The following SPATA6L variants were observed in gnomAD, a reference collection of about 807,000 sequenced individuals.
SPATA6L encodes spermatogenesis associated 6-like protein.
A neutral mutation model predicts 49.2 loss-of-function variants in SPATA6L; 68 were observed. The observed-to-expected ratio is 1.38, with a 90% confidence interval of 1.14 to 1.69. SPATA6L has a LOEUF of 1.69. Among genes scored for constraint, SPATA6L ranks in the 40% most tolerant of loss-of-function variants. The pLI, the probability that SPATA6L is intolerant of heterozygous loss-of-function variation, is 0.00. For missense variants in SPATA6L, 668 were observed against 464.3 expected, an observed-to-expected ratio of 1.44 and a Z score of -4.03; for synonymous variants, 198 against 165.7, an observed-to-expected ratio of 1.19 and a Z score of -1.50.
intron 3 of SPATA6L, among the ~76,000 whole-genome samples, chr9:4,652,522 A>C (rs1837146503): frequency 6.6e-6 from 1 of 152,164 alleles, no homozygotes; most frequent in Non-Finnish European, 1.5e-5. Context: ...AAAATGCAAC[A>C]CTTGTAAACT....
chr9:4,603,031 C>T (rs572571696), intron 11 of SPATA6L, among the ~76,000 whole-genome samples: 5 of 152,280 alleles, frequency 3.3e-5, no homozygotes, highest in Non-Finnish European at 5.9e-5. Flanking sequence ...ATATGAGAAA[C>T]GATGATGTCC....
intron 4 of SPATA6L, 137 bp downstream of exon 4, chr9:4,635,138 G>A: frequency 4.9e-6 from 4 of 814,216 alleles, no homozygotes; most frequent in Non-Finnish European, 6.9e-6. Context: ...ACCTTGAGTT[G>A]GGCATCAAAA....
intron 4 of SPATA6L, chr9:4,632,946 T>G (rs1831940592): frequency 6.6e-6 from 1 of 152,264 alleles, no homozygotes; most frequent in South Asian, 2.1e-4. Context: ...AGAATTTTCA[T>G]GACACTTTTA....
At chr9:4,608,720 A>T (rs1825934787) in intron 9 of SPATA6L, among the ~76,000 whole-genome samples, 1 of 151,378 alleles carries the variant, frequency 6.6e-6, no homozygotes, top group African/African-American at 2.5e-5. Flanking sequence ...ACACTCTAAC[A>T]TCACAATTAA....
chr9:4,629,102 T>C lies in SPATA6L; in HGVS notation c.418A>G (p.Asn140Asp). Residue 140 changes from asparagine (N) to aspartate (D), a missense_variant, in exon 5 of 12, where the codon AAC becomes GAC. By Grantham distance (23) the Asn-to-Asp change is conservative (BLOSUM62 1). Transcript: ENST00000682582. ...TGTATTGTACTTACAAGAAATCTGTTTCTATGCAGAAACACACATTCTCTG... is the reference window on the plus strand; with the variant it reads ...TGTATTGTACTTACAAGAAATCTGTCTCTATGCAGAAACACACATTCTCTG... Reference protein sequence around the residue: ...AIRECVFLHRNRFLEERHESR... With the variant: ...AIRECVFLHRDRFLEERHESR... 6.2e-7 allele frequency: 1 copy of C among 1,608,778 alleles called. No individual in the cohort carries two copies. The highest frequency in any genetic ancestry group is 8.5e-7 in the Non-Finnish European group (1 of 1,176,854).
chr9:4,629,438 C>T (rs1235242546), intron 4 of SPATA6L, among the ~76,000 whole-genome samples: 1 of 151,974 alleles, frequency 6.6e-6, no homozygotes, highest in Non-Finnish European at 1.5e-5. Flanking sequence ...ATCTCCTCAA[C>T]TAAGACACAG....
chr9:4,663,502 A>G (rs1840359951), intron 1 of SPATA6L: 1 of 476,986 alleles, frequency 2.1e-6, no homozygotes, highest in Non-Finnish European at 3.8e-6. Flanking sequence ...TATTTATTCA[A>G]CAACTGTTTA....
At chr9:4,611,240 C>T (rs1477662669) in intron 9 of SPATA6L, among the ~76,000 whole-genome samples, 11 of 140,094 alleles carry the variant, frequency 7.9e-5, no homozygotes, top group East Asian at 2.0e-4. Flanking sequence ...GTCAGTGTGG[C>T]GATTCCTCAG....
chr9:4,589,300 A>T (rs957712067), intron 13 of SPATA6L, among the ~76,000 whole-genome samples: 3 of 152,222 alleles, frequency 2.0e-5, no homozygotes, highest in African/African-American at 7.2e-5. Context: ...CTTCTGGGAA[A>T]AAACTATACC....
rs540003637 is a variant in SPATA6L, at chr9:4,655,287, A to G, written c.226+754T>C. Among the ~76,000 whole-genome samples, 7 of 152,348 alleles carry G rather than the reference A, an allele frequency of 4.6e-5. No homozygotes were observed. The South Asian group carries it at 1.5e-3, about 32-fold the overall frequency. ...AACATTACACTAAGAATTCAATCAC[A>G]AAGGAGCACATGTTGTATAATCTCA... On this transcript the variant is annotated intron_variant, in intron 3 of 11. Coordinates refer to ENST00000682582, the MANE Select transcript of SPATA6L (RefSeq NM_001353486.2).
intron 3 of SPATA6L, among the ~76,000 whole-genome samples, chr9:4,651,981 G>A (rs904426304): frequency 1.1e-4 from 17 of 152,082 alleles, no homozygotes; most frequent in South Asian, 2.1e-4. Flanking sequence ...AATAAAATGC[G>A]CACAAACTAT....
chr9:4,626,508 G>C, intron 5 of SPATA6L: 1 of 1,304,336 alleles, frequency 7.7e-7, no homozygotes, highest in Non-Finnish European at 1.0e-6. Context: ...TCTTCTTTAA[G>C]CTTCTGTGTT....
At chr9:4,611,541 C>A (rs1309313009) in intron 9 of SPATA6L, among the ~76,000 whole-genome samples, 1 of 148,508 alleles carries the variant, frequency 6.7e-6, no homozygotes, top group South Asian at 2.1e-4. Context: ...AGTAAACTAT[C>A]GCAAGAACAA....
At chr9:4,628,958 C>T in intron 5 of SPATA6L, 133 bp downstream of exon 5, 1 of 645,414 alleles carries the variant, frequency 1.5e-6, no homozygotes, top group African/African-American at 1.9e-5. Flanking sequence ...AAATACAAAC[C>T]TAGTAAAAAC....
At chr9:4,656,272 C>A (rs1838158082) in intron 2 of SPATA6L, among the ~76,000 whole-genome samples, 183 bp from the exon 3 acceptor site, 1 of 152,094 alleles carries the variant, frequency 6.6e-6, no homozygotes, top group Non-Finnish European at 1.5e-5. Flanking sequence ...AACCCTCTCT[C>A]TACAAAAAAT....
In SPATA6L at chr9:4,661,959, C is replaced by T. The variant is rs1367727580; in HGVS notation, c.117G>A (p.Glu39=). 6.2e-7 allele frequency: 1 copy of T among 1,614,068 alleles called. No individual in the cohort carries two copies. The highest frequency in any genetic ancestry group is 1.7e-5 in the Admixed American group (1 of 60,018). ...LGVYLMNQYL[E]TNSFPSAFPI... is the part of the protein sequence containing the mutation. ...GGAACGCAGAGGGAAAGCTGTTGGT[C>T]TCCAGGTACTGATTCATGAGGTAGA... Residue 39 remains glutamate, a synonymous_variant, in exon 2 of 12, where the codon GAG becomes GAA. Coordinates refer to ENST00000682582, the MANE Select transcript of SPATA6L (RefSeq NM_001353486.2).
intron 9 of SPATA6L, among the ~76,000 whole-genome samples, chr9:4,606,113 A>C: frequency 6.6e-6 from 1 of 152,046 alleles, no homozygotes; most frequent in Middle Eastern, 3.2e-3. Flanking sequence ...CGGGCTTAAA[A>C]AATGGCGCAC....
At chr9:4,607,858 TAA>T (rs1362136599) in intron 9 of SPATA6L, among the ~76,000 whole-genome samples, 2 of 150,496 alleles carry the variant, frequency 1.3e-5, no homozygotes, top group African/African-American at 4.9e-5. Flanking sequence ...GCAAATTGGA[TAA>T]AGAGTCAAGA....
intron 5 of SPATA6L, chr9:4,626,553 G>C (rs770396842): frequency 7.7e-7 from 1 of 1,303,206 alleles, no homozygotes; most frequent in African/African-American, 1.5e-5. Flanking sequence ...TGTTTCCCCA[G>C]CCCTAGGGGT....
Sources: allele counts gnomAD v4.1 joint callset (sites outside exome capture counted in the v4.1 genomes callset), GRCh38; gene constraint gnomAD v4.1.1; transcripts MANE v1.5; gene names NCBI Gene and HGNC (gene_info 2026-07-23, HGNC 2026-07-21).